CAPN13: variants seen among roughly 807,000 people sequenced by gnomAD.
The protein encoded by CAPN13 is calpain-13.
Under a neutral mutation model 98.4 loss-of-function variants are expected in CAPN13, and 90 were observed. The ratio of observed to expected loss-of-function variants is 0.92; its 90% CI spans 0.77 to 1.09. The LOEUF (loss-of-function observed/expected upper bound fraction) is 1.09. Ranked by LOEUF, CAPN13 falls within the 50% of genes least tolerant of loss-of-function variation. The pLI is 0.00. For synonymous variants in CAPN13, 330 were observed against 305.5 expected (o/e 1.08, Z -0.84); for missense variants, 887 against 841.3 (o/e 1.05, Z -0.67).
chr2:30,787,078 G>A, intron 2 of CAPN13, 50 bp downstream of exon 2: 1 of 1,434,600 alleles, frequency 7.0e-7, no homozygotes, highest in Non-Finnish European at 9.3e-7. Flanking sequence ...GCCATGGCAG[G>A]CGACTCCGAG....
intron 14 of CAPN13, 28 bp downstream of exon 14, chr2:30,742,298 C>T (rs375507874): frequency 4.5e-5 from 71 of 1,594,150 alleles, no homozygotes; most frequent in African/African-American, 1.9e-4. Context: ...CAATGAGGCT[C>T]GCCAGCCAAA....
At chr2:30,734,018 C>T (rs1275795417) in intron 19 of CAPN13, among the ~76,000 whole-genome samples, 10 of 152,322 alleles carry the variant, frequency 6.6e-5, no homozygotes, top group Non-Finnish European at 4.4e-5. Flanking sequence ...CTACTTGAAG[C>T]AGACAGATGC....
intron 1 of CAPN13, among the ~76,000 whole-genome samples, chr2:30,800,136 G>GAAAGAAAGAAAGAA (rs1675151915): frequency 6.9e-6 from 1 of 144,436 alleles, no homozygotes; most frequent in Non-Finnish European, 1.5e-5. Context: ...AAGAAAGAAA[G>GAAAGAAAGAAAGAA]AAAGAAAGAA....
chr2:30,791,429 TATTCTTGA>T (rs1206133776), intron 1 of CAPN13, among the ~76,000 whole-genome samples: 3 of 152,224 alleles, frequency 2.0e-5, no homozygotes, highest in African/African-American at 4.8e-5. Flanking sequence ...ACATATCAGC[TATTCTTGA>T]GTGTGTTCTG....
intron 8 of CAPN13, among the ~76,000 whole-genome samples, chr2:30,756,551 C>T (rs373904646): frequency 6.6e-6 from 1 of 152,284 alleles, no homozygotes; most frequent in East Asian, 1.9e-4. Flanking sequence ...CTTCTCCTAC[C>T]CCAGGGAATC....
chr2:30,732,885 G>A (rs1250126809), intron 19 of CAPN13, among the ~76,000 whole-genome samples: 1 of 152,154 alleles, frequency 6.6e-6, no homozygotes, highest in African/African-American at 2.4e-5. Context: ...CTCTGCCTCT[G>A]TCAAACTTCT....
intron 1 of CAPN13, among the ~76,000 whole-genome samples, chr2:30,798,049 G>A (rs1424039116): frequency 6.6e-6 from 1 of 152,236 alleles, no homozygotes. Flanking sequence ...GAAATTTGGG[G>A]AAGAGTGATT....
At chr2:30,752,910 T>C in intron 10 of CAPN13, 143 bp downstream of exon 10, 1 of 884,480 alleles carries the variant, frequency 1.1e-6, no homozygotes, top group Non-Finnish European at 1.8e-6. Flanking sequence ...AGTCGCTGTC[T>C]CTTCATGCTG....
intron 15 of CAPN13, among the ~76,000 whole-genome samples, chr2:30,739,564 G>C (rs936984705): frequency 6.6e-6 from 1 of 152,146 alleles, no homozygotes; most frequent in Admixed American, 6.5e-5. Flanking sequence ...TATCAGGAAA[G>C]TTAGTGTTGA....
chr2:30,741,549 G>A (rs1671655151), intron 15 of CAPN13: 8 of 1,063,506 alleles, frequency 7.5e-6, no homozygotes, highest in East Asian at 7.6e-5. Flanking sequence ...CGGGAGGAAC[G>A]ATGCCAGGTT....
Position 30,734,504 on chromosome 2 carries a change from C to T in CAPN13, c.1743G>A (p.Gln581=), listed in dbSNP as rs1671261313. 2 of 1,613,772 alleles carry T rather than the reference C, an allele frequency of 1.2e-6. No homozygotes were observed. ...VHYQHVFQKV[Q]TSPGVLLSSD... is the part of the protein sequence containing the mutation. ...AGCTCAGGAGGACTCCAGGGCTTGT[C>T]TGAACCTTCTGGAAAACATGCTAAT... is the stretch of plus-strand genomic sequence containing the variant. The change falls in exon 19 of 23, where the codon CAG becomes CAA. Residue 581 remains glutamine, a synonymous_variant. Transcript: ENST00000295055.
chr2:30,774,595 T>C (rs887892911), intron 4 of CAPN13, among the ~76,000 whole-genome samples: 5 of 152,162 alleles, frequency 3.3e-5, no homozygotes, highest in African/African-American at 1.2e-4. Context: ...CGAGTATAAA[T>C]TTCAAGAATT....
At chr2:30,734,324 C>G in intron 19 of CAPN13, 125 bp downstream of exon 19, 2 of 714,696 alleles carry the variant, frequency 2.8e-6, no homozygotes, top group Non-Finnish European at 2.5e-6. Context: ...GGGGAGGACA[C>G]GAGAGCTGCA....
At chr2:30,734,634 C>A in intron 18 of CAPN13, 110 bp from the exon 19 acceptor site, 1 of 817,192 alleles carries the variant, frequency 1.2e-6, no homozygotes, top group South Asian at 1.5e-5. Flanking sequence ...GGCACGGTCA[C>A]AGCACTGAGG....
intron 14 of CAPN13, 102 bp downstream of exon 14, chr2:30,742,224 C>T: frequency 7.3e-7 from 1 of 1,376,950 alleles, no homozygotes; most frequent in African/African-American, 1.4e-5. Context: ...TCTCTCTTTT[C>T]ATTGGTTGGG....
At chr2:30,799,834 G>A (rs1339200007) in intron 1 of CAPN13, among the ~76,000 whole-genome samples, 2 of 152,146 alleles carry the variant, frequency 1.3e-5, no homozygotes, top group Non-Finnish European at 2.9e-5. Context: ...AGCACTTTGG[G>A]AGGCCAAGGT....
In CAPN13 at chr2:30,741,303, T is replaced by C. The variant is rs940798939; in HGVS notation, c.1536+605A>G. 4 of 868,996 alleles carry C rather than the reference T, an allele frequency of 4.6e-6. No homozygotes were observed. The African/African-American group carries it at 7.3e-5, about 16-fold the overall frequency. 53.8% of individuals were successfully genotyped at this position (868,996 alleles called of 1,614,324 possible). On this transcript the variant is annotated intron_variant, in intron 15 of 22. Coordinates refer to ENST00000295055, the MANE Select transcript of CAPN13 (RefSeq NM_144575.3). ...TGCCATCCTTCCTGTCCTTGGCCTC[T>C]TCCTGGTTCAAGGCGGCAGGGTAGA...
At chr2:30,737,781 C>T (rs532120026) in intron 17 of CAPN13, 41 of 164,952 alleles carry the variant, frequency 2.5e-4, no homozygotes, top group Non-Finnish European at 4.5e-4. Context: ...TATAAAGGGG[C>T]GGTTTAGGAT....
intron 5 of CAPN13, among the ~76,000 whole-genome samples, chr2:30,767,894 TC>T (rs1673190568): frequency 6.6e-6 from 1 of 151,996 alleles, no homozygotes; most frequent in South Asian, 2.1e-4. Flanking sequence ...GATAAAGATG[TC>T]CCCTGGCCAG....
Sources: gnomAD v4.1 joint callset for allele counts (sites outside exome capture counted in the v4.1 genomes callset) on GRCh38, gnomAD v4.1.1 for gene constraint, MANE v1.5 for transcripts, NCBI Gene and HGNC (gene_info 2026-07-23, HGNC 2026-07-21) for gene names.